CEP120: variants seen among roughly 807,000 people sequenced by gnomAD.
CEP120 encodes centrosomal protein 120, also known as centrosomal protein of 120 kDa.
CEP120 carries 113 observed loss-of-function variants against 126.5 expected under a neutral mutation model. The ratio of observed to expected loss-of-function variants is 0.89; its 90% CI spans 0.77 to 1.04. The LOEUF is 1.04. Among genes scored for constraint, CEP120 ranks in the 50% least tolerant of loss-of-function variants. CEP120 has a pLI of 0.00. For synonymous variants in CEP120, 400 were observed against 394.3 expected (o/e 1.01, Z -0.17); for missense variants, 1,230 against 1,155.7 (o/e 1.06, Z -0.93).
chr5:123,417,893 C>A (rs1774481175), intron 2 of CEP120, among the ~76,000 whole-genome samples: 1 of 152,270 alleles, frequency 6.6e-6, no homozygotes, highest in East Asian at 1.9e-4. Context: ...ATAACAACTT[C>A]ATAGTGTTGT....
At position 123,416,138 on chromosome 5, in the gene CEP120, T is replaced by C. The variant is rs1446420536; in HGVS notation, c.207-14A>G. On this transcript the variant is annotated splice_polypyrimidine_tract_variant and intron_variant, in intron 2 of 19. Transcript: ENST00000306467. ...GTACGCTGTAGCCTATAACAAAACA[T>C]GTGATAAATAAAATGGTTTTTGCTT... 3.4e-6 allele frequency: 5 copies of C among 1,486,016 alleles called. No individual in the cohort carries two copies. The highest frequency in any genetic ancestry group is 2.8e-6 in the Non-Finnish European group (3 of 1,073,040). 92.1% of individuals were successfully genotyped at this position (1,486,016 alleles called of 1,614,324 possible). A position where few individuals can be genotyped will look rare whatever the true frequency, so the allele number is the denominator to read the frequency against.
At chr5:123,415,359 T>C (rs548498781) in intron 3 of CEP120, among the ~76,000 whole-genome samples, 2 of 152,222 alleles carry the variant, frequency 1.3e-5, no homozygotes, top group African/African-American at 2.4e-5. Flanking sequence ...CTTGTATAAC[T>C]GAAAGGGGAA....
At chr5:123,398,513 T>C (rs973701331) in intron 5 of CEP120, among the ~76,000 whole-genome samples, 3 of 152,154 alleles carry the variant, frequency 2.0e-5, no homozygotes, top group African/African-American at 7.2e-5. Context: ...CCAAATTCAG[T>C]TTCCTCAGCT....
chr5:123,394,224 A>G (rs1772605281), intron 5 of CEP120, among the ~76,000 whole-genome samples: 1 of 152,252 alleles, frequency 6.6e-6, no homozygotes, highest in South Asian at 2.1e-4. Flanking sequence ...GCTAAATAAT[A>G]ACACATTAAC....
At chr5:123,372,347 C>T (rs1240021314) in intron 17 of CEP120, among the ~76,000 whole-genome samples, 1 of 152,054 alleles carries the variant, frequency 6.6e-6, no homozygotes, top group South Asian at 2.1e-4. Flanking sequence ...CCTTGCTTTC[C>T]CTATCCTGCC....
chr5:123,420,227 C>G (rs1774634560), intron 1 of CEP120, among the ~76,000 whole-genome samples: 1 of 152,132 alleles, frequency 6.6e-6, no homozygotes, highest in Admixed American at 6.5e-5. Context: ...TGTCAAAGAA[C>G]CTATATTTTC....
At chr5:123,354,610 G>A (rs951044170) in intron 18 of CEP120, among the ~76,000 whole-genome samples, 1 of 151,968 alleles carries the variant, frequency 6.6e-6, no homozygotes, top group South Asian at 2.1e-4. Flanking sequence ...CTTCCAGGTG[G>A]ATTAACCCCC....
At chr5:123,378,543 A>C in intron 14 of CEP120, 115 bp from the exon 15 acceptor site, 2 of 522,660 alleles carry the variant, frequency 3.8e-6, no homozygotes, top group South Asian at 8.4e-5. Flanking sequence ...TAAGAATAGG[A>C]AAGTCACAAA....
Position 123,377,377 on chromosome 5 carries a change from T to C in CEP120, c.2355A>G (p.Gln785=). Residue 785 remains glutamine (Q), a synonymous_variant, in exon 16 of 20, where the codon CAA becomes CAG. Transcript: ENST00000306467. ...QLEEDKHRLQ[Q]QLNDAENKYK... ...GATGACAAGTACGTTATCCAACCTG[T>C]TGCTGAAGGCGGTGTTTATCCTCTT... is the stretch of plus-strand genomic sequence containing the variant. The C allele has an allele frequency of 6.2e-7, 1 of 1,607,150 alleles. No individual in the cohort carries two copies. Among genetic ancestry groups the C allele is most frequent in the Non-Finnish European group, 8.5e-7 (1 of 1,178,078 alleles).
At position 123,412,420 on chromosome 5, in the gene CEP120, C is replaced by A. The variant is rs1240688219; in HGVS notation, c.442G>T (p.Ala148Ser). 1.9e-6 allele frequency: 3 copies of A among 1,603,148 alleles called. No individual in the cohort carries two copies. The highest frequency in any genetic ancestry group is 2.3e-5 in the South Asian group (2 of 88,536). Reference sequence around the variant, plus strand: ...AAACCTTTTCCATCTCGAGGGGGAGCCCCCTTTGCTTTAAAGCTATCCACT... The same window carrying A: ...AAACCTTTTCCATCTCGAGGGGGAGACCCCTTTGCTTTAAAGCTATCCACT... ...PPVDSFKAKG[A>S]PPRDGKVPAI... The change falls in exon 4 of 20, where the codon GCT becomes TCT. Residue 148 changes from alanine (A) to serine (S), a missense_variant. Physicochemically the swap from Ala to Ser is moderately conservative, Grantham distance 99. Transcript: ENST00000306467.
intron 5 of CEP120, among the ~76,000 whole-genome samples, chr5:123,397,540 A>G (rs1580711163): frequency 6.6e-6 from 1 of 152,316 alleles, no homozygotes; most frequent in East Asian, 1.9e-4. Context: ...AAAATACGGA[A>G]ACTGATATAA....
In CEP120 at chr5:123,364,545, T is replaced by C. The variant is rs1770320575; in HGVS notation, c.2531A>G (p.Tyr844Cys). The C allele has an allele frequency of 6.2e-7, 1 of 1,607,100 alleles. No individual in the cohort carries two copies. Among genetic ancestry groups the C allele is most frequent in the Non-Finnish European group, 8.5e-7 (1 of 1,175,496 alleles). ...CAAAGCTCGTCCCCACTGCTGCTTG[T>C]AATGCAGTTTAGACTTAGTTGCAGA... ...LESATKSKLH[Y>C]KQQWGRALKE... The change falls in exon 18 of 20, where the codon TAC becomes TGC. Residue 844 changes from tyrosine to cysteine, a missense_variant. Tyr to Cys is a radical substitution (Grantham distance 194). Coordinates refer to ENST00000306467, the MANE Select transcript of CEP120 (RefSeq NM_001375405.1).
In CEP120 at chr5:123,386,628, C is replaced by G; in HGVS notation, c.1470G>C (p.Met490Ile). The G allele has an allele frequency of 7.1e-7, 1 of 1,410,516 alleles. No homozygotes were observed. The highest frequency in any genetic ancestry group is 1.2e-5 in the South Asian group (1 of 83,028). 87.4% of individuals were successfully genotyped at this position (1,410,516 alleles called of 1,614,324 possible). Residue 490 changes from methionine to isoleucine, a missense_variant, in exon 10 of 20, where the codon ATG (methionine) becomes ATC (isoleucine). By Grantham distance (10) the Met-to-Ile change is conservative (BLOSUM62 1). Coordinates refer to ENST00000306467, the MANE Select transcript of CEP120 (RefSeq NM_001375405.1). Reference sequence around the variant, plus strand: ...TCCGAACTTCTACAGGAGGATTAGTCATAATAGGAGCTGCACTTCCAAAGA... The same window carrying G: ...TCCGAACTTCTACAGGAGGATTAGTGATAATAGGAGCTGCACTTCCAAAGA... The part of the protein sequence containing the change: ...YPFFGSAAPI[M>I]TNPPVEVRKN...
At chr5:123,350,494 T>C (rs1321261596) in intron 18 of CEP120, among the ~76,000 whole-genome samples, 6 of 152,234 alleles carry the variant, frequency 3.9e-5, no homozygotes, top group African/African-American at 1.4e-4. Context: ...GTGATTGATA[T>C]TAGCTGACTA....
intron 4 of CEP120, among the ~76,000 whole-genome samples, chr5:123,405,618 G>GA (rs1180884099): frequency 6.6e-6 from 1 of 152,144 alleles, no homozygotes; most frequent in Non-Finnish European, 1.5e-5. Flanking sequence ...TCTAAGGGAA[G>GA]AAAAAACTGA....
intron 18 of CEP120, 25 bp from the exon 19 acceptor site, chr5:123,350,114 C>T (rs1239115651): frequency 6.3e-7 from 1 of 1,585,848 alleles, no homozygotes; most frequent in South Asian, 1.2e-5. Flanking sequence ...AGAAACAAGT[C>T]ATATCCTTAA....
At chr5:123,377,957 A>G (rs1316136806) in intron 15 of CEP120, among the ~76,000 whole-genome samples, 1 of 152,132 alleles carries the variant, frequency 6.6e-6, no homozygotes, top group Admixed American at 6.6e-5. Context: ...TTTTCGACCT[A>G]TTCTTAATAT....
rs1773286053 is a variant in CEP120, at chr5:123,402,064, G to A, written c.464-2780C>T. The A allele has an allele frequency of 3.1e-6, 5 of 1,590,210 alleles. No homozygotes were observed. The Admixed American group carries it at 5.0e-5, about 16-fold the overall frequency. On this transcript the variant is annotated intron_variant, in intron 4 of 19. Transcript: ENST00000306467. ...AACTTGTTGTTGAGGGTCTTGATCT[G>A]CTCCTTCTCCTGGGTGCACACAGCC...
At chr5:123,400,340 A>C (rs1468399804) in intron 4 of CEP120, among the ~76,000 whole-genome samples, 1 of 152,160 alleles carries the variant, frequency 6.6e-6, no homozygotes, top group African/African-American at 2.4e-5. Context: ...ATCAAATCAA[A>C]TAATGAAAGC....
Sources: gnomAD v4.1 joint callset for allele counts (sites outside exome capture counted in the v4.1 genomes callset) on GRCh38, gnomAD v4.1.1 for gene constraint, MANE v1.5 for transcripts, NCBI Gene and HGNC (gene_info 2026-07-23, HGNC 2026-07-21) for gene names.